Variants in ENOX1 observed in about 807,000 individuals in gnomAD.
ENOX1 encodes the protein candidate growth-related and time keeping constitutive hydroquinone (NADH) oxidase.
In ENOX1, 42 loss-of-function variants were observed where a neutral mutation model predicts 82.5. That is an observed-to-expected ratio of 0.51 (90% CI 0.40 to 0.66). The LOEUF (loss-of-function observed/expected upper bound fraction) is 0.66. Ranked by LOEUF, ENOX1 falls within the 30% of genes least tolerant of loss-of-function variation. The pLI is 0.00. For missense variants in ENOX1, 608 were observed against 811.6 expected (o/e 0.75, Z 3.05); for synonymous variants, 271 against 282.2 (o/e 0.96, Z 0.40).
intron 1 of ENOX1, among the ~76,000 whole-genome samples, chr13:43,753,909 T>TA (rs1049610105): frequency 1.3e-5 from 2 of 152,076 alleles, no homozygotes; most frequent in Non-Finnish European, 2.9e-5. Context: ...CTTATCCAAT[T>TA]ACGACCAGAT....
chr13:43,782,348 G>T (rs1952323831), intron 1 of ENOX1, among the ~76,000 whole-genome samples: 1 of 152,158 alleles, frequency 6.6e-6, no homozygotes, highest in Non-Finnish European at 1.5e-5. Flanking sequence ...AATCCTAGTG[G>T]ATCTGAAACA....
At chr13:43,635,669 G>A (rs1010719932) in intron 2 of ENOX1, among the ~76,000 whole-genome samples, 5 of 152,074 alleles carry the variant, frequency 3.3e-5, no homozygotes, top group African/African-American at 1.2e-4. Flanking sequence ...GATTTTGTTG[G>A]ATCTTGTCAG....
intron 3 of ENOX1, among the ~76,000 whole-genome samples, chr13:43,431,851 G>A (rs1270242616): frequency 6.6e-6 from 1 of 152,110 alleles, no homozygotes; most frequent in Non-Finnish European, 1.5e-5. Flanking sequence ...TCACCTGGGA[G>A]CACACACGTC....
At chr13:43,679,107 C>T (rs2085657887) in intron 1 of ENOX1, among the ~76,000 whole-genome samples, 1 of 152,172 alleles carries the variant, frequency 6.6e-6, no homozygotes, top group South Asian at 2.1e-4. Flanking sequence ...CCCTCAACCA[C>T]TATGCTGAGC....
intron 2 of ENOX1, among the ~76,000 whole-genome samples, chr13:43,610,492 C>T (rs1161290729): frequency 6.6e-6 from 1 of 152,148 alleles, no homozygotes. Flanking sequence ...TTGGGGAAAA[C>T]TTATTTTCCA....
chr13:43,282,472 G>A (rs1423297846), intron 12 of ENOX1, among the ~76,000 whole-genome samples: 1 of 149,230 alleles, frequency 6.7e-6, no homozygotes, highest in African/African-American at 2.5e-5. Flanking sequence ...TTTTGAGACA[G>A]GGTCTTGCTC....
intron 1 of ENOX1, among the ~76,000 whole-genome samples, chr13:43,758,243 A>C (rs1031321876): frequency 8.5e-5 from 13 of 152,270 alleles, no homozygotes; most frequent in African/African-American, 2.6e-4. Flanking sequence ...TCAAAAAAAA[A>C]CAAAAAAACA....
chr13:43,457,541 A>G (rs570529829), intron 3 of ENOX1, among the ~76,000 whole-genome samples: 85 of 152,264 alleles, frequency 5.6e-4, no homozygotes, highest in South Asian at 1.2e-3. Flanking sequence ...GGGAAGGAGA[A>G]AAAGGAAACA....
At chr13:43,427,151 G>A (rs1382391091) in intron 3 of ENOX1, among the ~76,000 whole-genome samples, 4 of 152,100 alleles carry the variant, frequency 2.6e-5, no homozygotes, top group African/African-American at 9.7e-5. Flanking sequence ...CATGTAATGA[G>A]TTCAAACAAA....
At chr13:43,281,321 C>T (rs957095119) in intron 12 of ENOX1, among the ~76,000 whole-genome samples, 2 of 152,176 alleles carry the variant, frequency 1.3e-5, no homozygotes, top group Admixed American at 6.5e-5. Context: ...ACAGCACCAC[C>T]ATCTTGCATA....
At chr13:43,222,399 A>ACACT (rs1449849540) in intron 16 of ENOX1, among the ~76,000 whole-genome samples, 4 of 151,770 alleles carry the variant, frequency 2.6e-5, no homozygotes, top group Admixed American at 2.0e-4. Context: ...ACACACACAC[A>ACACT]CACACGCAGG....
At chr13:43,275,599 CAT>C (rs1320834071) in intron 12 of ENOX1, among the ~76,000 whole-genome samples, 15 of 151,282 alleles carry the variant, frequency 9.9e-5, no homozygotes, top group African/African-American at 1.9e-4. Flanking sequence ...CACACACACA[CAT>C]ACACACAATT....
At chr13:43,752,076 CTA>C (rs924479186) in intron 1 of ENOX1, among the ~76,000 whole-genome samples, 1 of 152,084 alleles carries the variant, frequency 6.6e-6, no homozygotes, top group Non-Finnish European at 1.5e-5. Flanking sequence ...AACCATTCTA[CTA>C]TGTCTATTGT....
Position 43,322,416 on chromosome 13 carries a change from C to G in ENOX1, c.1229G>C (p.Ser410Thr), listed in dbSNP as rs766970056. Residue 410 changes from serine to threonine, a missense_variant, in exon 11 of 17, where the codon AGC (serine) becomes ACC (threonine). Physicochemically the swap from Ser to Thr is moderately conservative, Grantham distance 58 (BLOSUM62 1). Coordinates refer to ENST00000690772, the MANE Select transcript of ENOX1 (RefSeq NM_001347969.2). ...ATCGACTCTCATTTTCTTTGTAGGG[C>G]TGTCACAGTTCTCATCATCAGACAT... ...MEMSDDENCD[S>T]PTKKMRVDES... 3.1e-6 allele frequency: 5 copies of G among 1,614,060 alleles called. No individual in the cohort carries two copies. The East Asian group carries it at 1.1e-4, about 36-fold the overall frequency.
At chr13:43,746,511 C>T (rs1389768766) in intron 1 of ENOX1, among the ~76,000 whole-genome samples, 1 of 152,076 alleles carries the variant, frequency 6.6e-6, no homozygotes, top group African/African-American at 2.4e-5. Flanking sequence ...ATAAGCTGGA[C>T]TCTTACTTGG....
Position 43,586,411 on chromosome 13 carries a change from T to C in ENOX1, c.-219+81068A>G, listed in dbSNP as rs571300228. Among the ~76,000 whole-genome samples, 18 of 152,340 alleles carry C rather than the reference T, an allele frequency of 1.2e-4. No homozygotes were observed. The South Asian group carries it at 3.3e-3, about 28-fold the overall frequency. ...GACATTCATACCTGGTGCTTCAACA[T>C]GACTCTGTGCCTTTGTCTGCTGTTC... On this transcript the variant is annotated intron_variant, in intron 2 of 16. Coordinates refer to ENST00000690772, the MANE Select transcript of ENOX1 (RefSeq NM_001347969.2).
At chr13:43,628,550 C>T (rs2083068874) in intron 2 of ENOX1, among the ~76,000 whole-genome samples, 1 of 152,194 alleles carries the variant, frequency 6.6e-6, no homozygotes, top group African/African-American at 2.4e-5. Context: ...AGCATTTCTA[C>T]CATAGCTGCT....
chr13:43,386,683 A>G (rs2052431326), intron 5 of ENOX1, among the ~76,000 whole-genome samples: 1 of 152,204 alleles, frequency 6.6e-6, no homozygotes, highest in Non-Finnish European at 1.5e-5. Flanking sequence ...TTACTTTTTG[A>G]TATTAGAATC....
intron 2 of ENOX1, among the ~76,000 whole-genome samples, chr13:43,602,160 CAAAT>C (rs2081752421): frequency 6.6e-6 from 1 of 151,766 alleles, no homozygotes; most frequent in African/African-American, 2.4e-5. Flanking sequence ...AAGATCCCAC[CAAAT>C]AAATAAGCAT....
Sources: gnomAD v4.1 joint callset for allele counts (sites outside exome capture counted in the v4.1 genomes callset) on GRCh38, gnomAD v4.1.1 for gene constraint, MANE v1.5 for transcripts, NCBI Gene and HGNC (gene_info 2026-07-23, HGNC 2026-07-21) for gene names.